Variants in VAV3 observed in about 807,000 individuals in gnomAD.
The protein encoded by VAV3 is vav guanine nucleotide exchange factor 3.
VAV3 carries 94 observed loss-of-function variants against 131.2 expected under a neutral mutation model. That is an observed-to-expected ratio of 0.72 (90% CI 0.61 to 0.85). The LOEUF is 0.85. Among genes scored for constraint, VAV3 ranks in the 40% least tolerant of loss-of-function variants. VAV3 has a pLI of 0.00. For synonymous variants in VAV3, 349 were observed against 342.0 expected (o/e 1.02, Z -0.22); for missense variants, 939 against 1,002.7 (o/e 0.94, Z 0.86).
intron 2 of VAV3, among the ~76,000 whole-genome samples, chr1:107,806,330 T>G (rs1667057759): frequency 6.6e-6 from 1 of 152,084 alleles, no homozygotes; most frequent in African/African-American, 2.4e-5. Flanking sequence ...ATCACAGATA[T>G]GGAAGTTATA....
At chr1:107,664,263 A>G (rs981181957) in intron 19 of VAV3, among the ~76,000 whole-genome samples, 1 of 152,124 alleles carries the variant, frequency 6.6e-6, no homozygotes, top group Non-Finnish European at 1.5e-5. Flanking sequence ...AACATCTGCC[A>G]TGGTGGTTTG....
At chr1:107,818,409 A>G (rs1003930423) in intron 2 of VAV3, among the ~76,000 whole-genome samples, 3 of 151,976 alleles carry the variant, frequency 2.0e-5, no homozygotes, top group Non-Finnish European at 2.9e-5. Flanking sequence ...GCTTTCAGTA[A>G]TGATTACCTA....
chr1:107,922,208 T>C (rs910972889), intron 1 of VAV3, among the ~76,000 whole-genome samples: 1 of 152,084 alleles, frequency 6.6e-6, no homozygotes, highest in South Asian at 2.1e-4. Flanking sequence ...TCAAGTGCTG[T>C]CCACATCAAG....
At chr1:107,755,565 G>A (rs769180751) in intron 11 of VAV3, 52 bp from the exon 12 acceptor site, 1 of 1,310,766 alleles carries the variant, frequency 7.6e-7, no homozygotes, top group Non-Finnish European at 1.1e-6. Flanking sequence ...GATTAGAGAT[G>A]CAAACTGCTT....
intron 19 of VAV3, among the ~76,000 whole-genome samples, chr1:107,651,373 T>C (rs1570686950): frequency 6.6e-6 from 1 of 152,296 alleles, no homozygotes; most frequent in East Asian, 1.9e-4. Flanking sequence ...CAACAGTATT[T>C]ATTTAGTATA....
intron 15 of VAV3, among the ~76,000 whole-genome samples, chr1:107,713,875 T>C (rs978517410): frequency 3.9e-5 from 6 of 152,170 alleles, no homozygotes; most frequent in Admixed American, 3.9e-4. Context: ...CATCATCTCC[T>C]ATAAAGTCAG....
intron 17 of VAV3, among the ~76,000 whole-genome samples, chr1:107,700,016 GA>G (rs1027829496): frequency 2.6e-5 from 4 of 152,188 alleles, no homozygotes; most frequent in Admixed American, 6.5e-5. Flanking sequence ...TCAGTTCTTT[GA>G]AAATCTGCTG....
chr1:107,595,164 G>A (rs1043481142), intron 25 of VAV3, among the ~76,000 whole-genome samples: 3 of 151,986 alleles, frequency 2.0e-5, no homozygotes, highest in Non-Finnish European at 4.4e-5. Flanking sequence ...CATAAAGTTC[G>A]CTCTACTTTC....
intron 12 of VAV3, among the ~76,000 whole-genome samples, chr1:107,754,810 G>C (rs1359992181): frequency 6.6e-6 from 1 of 152,014 alleles, no homozygotes; most frequent in Non-Finnish European, 1.5e-5. Flanking sequence ...GCTTCTGCCT[G>C]GGTCACTTTC....
chr1:107,933,021 T>C (rs953166525), intron 1 of VAV3, among the ~76,000 whole-genome samples: 1 of 152,210 alleles, frequency 6.6e-6, no homozygotes, highest in African/African-American at 2.4e-5. Flanking sequence ...AATAGGAAAC[T>C]AATACATATC....
chr1:107,925,261 T>C (rs1571148839), intron 1 of VAV3, among the ~76,000 whole-genome samples: 1 of 152,212 alleles, frequency 6.6e-6, no homozygotes, highest in Non-Finnish European at 1.5e-5. Flanking sequence ...GTGCTGGTAA[T>C]ATCCTATGCT....
chr1:107,641,756 G>C (rs17019588), intron 20 of VAV3, among the ~76,000 whole-genome samples: 2,031 of 152,208 alleles, frequency 0.013, 24 homozygotes, highest in South Asian at 0.019. Flanking sequence ...GAAGTGAACT[G>C]TTAATATATT....
At chr1:107,690,989 T>A (rs1472781478) in intron 17 of VAV3, among the ~76,000 whole-genome samples, 3 of 152,126 alleles carry the variant, frequency 2.0e-5, no homozygotes, top group Non-Finnish European at 1.5e-5. Context: ...TTCTGTAAAT[T>A]TTCTAAGAAT....
At chr1:107,845,755 G>T (rs1051794628) in intron 2 of VAV3, among the ~76,000 whole-genome samples, 2 of 152,038 alleles carry the variant, frequency 1.3e-5, no homozygotes, top group Non-Finnish European at 2.9e-5. Context: ...AGAGAAAAAA[G>T]AATGAAAAGG....
At chr1:107,834,371 T>A (rs568283118) in intron 2 of VAV3, among the ~76,000 whole-genome samples, 1 of 152,040 alleles carries the variant, frequency 6.6e-6, no homozygotes, top group African/African-American at 2.4e-5. Flanking sequence ...CTGGGCCCCA[T>A]GCAGTGCTCT....
chr1:107,838,096 CA>C (rs1668551992), intron 2 of VAV3, among the ~76,000 whole-genome samples: 1 of 152,144 alleles, frequency 6.6e-6, no homozygotes, highest in African/African-American at 2.4e-5. Context: ...ACAGAGTAAA[CA>C]AACTACAGAA....
At chr1:107,588,035 A>G (rs1420121636) in intron 25 of VAV3, among the ~76,000 whole-genome samples, 1 of 152,244 alleles carries the variant, frequency 6.6e-6, no homozygotes, top group Non-Finnish European at 1.5e-5. Context: ...GAATGAGGTT[A>G]TCTGAATCTG....
At chr1:107,764,398 C>T (rs1211148181) in intron 9 of VAV3, among the ~76,000 whole-genome samples, 1 of 152,248 alleles carries the variant, frequency 6.6e-6, no homozygotes, top group African/African-American at 2.4e-5. Flanking sequence ...CCCTATTATA[C>T]AGTGCTTATC....
intron 25 of VAV3, among the ~76,000 whole-genome samples, chr1:107,594,644 A>G (rs1386720000): frequency 6.6e-6 from 1 of 152,122 alleles, no homozygotes. Flanking sequence ...CAAGTTGAGC[A>G]TTAAATACTT....
Sources: allele counts gnomAD v4.1 joint callset (sites outside exome capture counted in the v4.1 genomes callset), GRCh38; gene constraint gnomAD v4.1.1; transcripts MANE v1.5; gene names NCBI Gene and HGNC (gene_info 2026-07-23, HGNC 2026-07-21).